RIMS1: variants seen among roughly 807,000 people sequenced by gnomAD.
The protein encoded by RIMS1 is regulating synaptic membrane exocytosis protein 1.
RIMS1 carries 83 observed loss-of-function variants against 214.1 expected under a neutral mutation model. The ratio of observed to expected loss-of-function variants is 0.39; its 90% CI spans 0.32 to 0.47. The LOEUF is 0.47. Among genes scored for constraint, RIMS1 ranks in the 20% least tolerant of loss-of-function variants. RIMS1 has a pLI of 0.99. For missense variants in RIMS1, 2,050 were observed against 2,161.8 expected, an observed-to-expected ratio of 0.95 and a Z score of 1.03; for synonymous variants, 793 against 786.8, an observed-to-expected ratio of 1.01 and a Z score of -0.13.
chr6:72,206,581 A>G (rs866386916), intron 6 of RIMS1, among the ~76,000 whole-genome samples: 1 of 151,774 alleles, frequency 6.6e-6, no homozygotes, highest in African/African-American at 2.4e-5. Context: ...TAATTTTTTC[A>G]GTGAGCGTCT....
At chr6:72,190,517 T>A (rs1376041362) in intron 6 of RIMS1, among the ~76,000 whole-genome samples, 1 of 149,904 alleles carries the variant, frequency 6.7e-6, no homozygotes, top group Non-Finnish European at 1.5e-5. Context: ...CTGTAGGGGC[T>A]ATAGTGCTGG....
intron 2 of RIMS1, among the ~76,000 whole-genome samples, chr6:72,088,066 C>T (rs1483238888): frequency 1.3e-5 from 2 of 152,118 alleles, no homozygotes; most frequent in African/African-American, 2.4e-5. Flanking sequence ...TCATCTTCAA[C>T]ATCATCTCAT....
intron 4 of RIMS1, among the ~76,000 whole-genome samples, chr6:72,107,789 G>A (rs867275417): frequency 8.6e-5 from 13 of 152,010 alleles, no homozygotes; most frequent in South Asian, 8.3e-4. Context: ...AAATAGGTTC[G>A]TTTCAATTCT....
intron 29 of RIMS1, among the ~76,000 whole-genome samples, chr6:72,370,235 G>A (rs781611831): frequency 1.4e-4 from 21 of 152,066 alleles, no homozygotes; most frequent in Non-Finnish European, 2.5e-4. Flanking sequence ...AGAGGCTAGT[G>A]GTTTTATTGT....
chr6:72,332,919 AAG>A (rs1208082770), intron 28 of RIMS1, among the ~76,000 whole-genome samples: 1 of 151,880 alleles, frequency 6.6e-6, no homozygotes, highest in African/African-American at 2.4e-5. Flanking sequence ...AAAAAATAAA[AAG>A]AAATCAGCCT....
rs528215402 is a variant in RIMS1 at position 72,402,147 on chromosome 6, A to T, written c.*1433A>T. ...CTTGGAACTGTTCAGAGCTGCATGC[A>T]CATTTTGTAAAAAAAAAAAATTTTA... On this transcript the variant is annotated 3_prime_UTR_variant, in exon 34 of 34. Coordinates refer to ENST00000521978, the MANE Select transcript of RIMS1 (RefSeq NM_014989.7). The T allele has an allele frequency of 6.7e-6, 1 of 149,100 alleles. No homozygotes were observed. The highest frequency in any genetic ancestry group is 2.3e-4 in the South Asian group (1 of 4,412). The allele number at this position is 149,100 out of a possible 1,614,324, so 9.2% of individuals were successfully genotyped here.
At chr6:71,981,712 T>C (rs189345714) in intron 2 of RIMS1, among the ~76,000 whole-genome samples, 2 of 152,270 alleles carry the variant, frequency 1.3e-5, no homozygotes, top group Admixed American at 6.5e-5. Context: ...GGCAATACTT[T>C]TAAAGAGCAC....
intron 2 of RIMS1, among the ~76,000 whole-genome samples, chr6:72,056,903 TTC>T (rs1363122539): frequency 5.3e-5 from 8 of 152,180 alleles, no homozygotes; most frequent in Admixed American, 3.9e-4. Context: ...TCTAAAATAA[TTC>T]TGTTTCATGA....
At chr6:72,340,760 A>C (rs2097049974) in intron 29 of RIMS1, among the ~76,000 whole-genome samples, 1 of 152,058 alleles carries the variant, frequency 6.6e-6, no homozygotes, top group African/African-American at 2.4e-5. Context: ...TGACTTGGCA[A>C]TGCGGGCTCT....
intron 2 of RIMS1, among the ~76,000 whole-genome samples, chr6:71,994,021 G>T (rs1802658012): frequency 6.6e-6 from 1 of 152,184 alleles, no homozygotes; most frequent in South Asian, 2.1e-4. Flanking sequence ...GTATCTTTGT[G>T]TGACTACAAT....
chr6:72,339,771 A>G (rs1248105776), intron 29 of RIMS1, among the ~76,000 whole-genome samples: 2 of 152,038 alleles, frequency 1.3e-5, no homozygotes, highest in African/African-American at 4.8e-5. Flanking sequence ...TTATAGCAGC[A>G]TGATTTATAG....
At chr6:72,309,649 T>C (rs556384954) in intron 27 of RIMS1, among the ~76,000 whole-genome samples, 7 of 152,086 alleles carry the variant, frequency 4.6e-5, no homozygotes, top group Non-Finnish European at 8.8e-5. Context: ...ATTTGACTAT[T>C]TTAAAACCTA....
chr6:72,213,311 G>T (rs781694053), intron 6 of RIMS1: 1 of 1,195,016 alleles, frequency 8.4e-7, no homozygotes, highest in Non-Finnish European at 1.1e-6. Context: ...CTATTTTCCA[G>T]TCAAAATATT....
chr6:72,318,827 A>G (rs1364727765), intron 28 of RIMS1, among the ~76,000 whole-genome samples: 1 of 152,080 alleles, frequency 6.6e-6, no homozygotes, highest in African/African-American at 2.4e-5. Context: ...GACCTGTTTT[A>G]GTTCTCGTTT....
intron 6 of RIMS1, among the ~76,000 whole-genome samples, chr6:72,197,753 G>A (rs2463712): frequency 0.98 from 149,617 of 152,180 alleles, 73,596 homozygotes; most frequent in East Asian, 1. Context: ...TGAAGTAAAA[G>A]TGATGAATTT....
At chr6:72,005,822 A>G (rs1251517673) in intron 2 of RIMS1, among the ~76,000 whole-genome samples, 2 of 152,244 alleles carry the variant, frequency 1.3e-5, no homozygotes, top group Non-Finnish European at 2.9e-5. Flanking sequence ...GTGGGAGGCA[A>G]AATATGGTTC....
chr6:71,981,635 C>T (rs1798502365), intron 2 of RIMS1, among the ~76,000 whole-genome samples: 1 of 152,056 alleles, frequency 6.6e-6, no homozygotes, highest in Admixed American at 6.6e-5. Flanking sequence ...ATCTAAGTTT[C>T]CTTATTTATA....
rs1428178217 is a variant in RIMS1 at position 72,274,355 on chromosome 6, A to G, written c.3405A>G (p.Arg1135=). Residue 1135 remains arginine (R), a synonymous_variant, in exon 23 of 34, where the codon AGA becomes AGG. Coordinates refer to ENST00000521978, the MANE Select transcript of RIMS1 (RefSeq NM_014989.7). ...SLHSPERERG[R]WSPSLDRRRP... ...TTGTTCACTGGGCAAACAGGGGTAG[A>G]TGGTCCCCCTCCCTAGATAGGAGAC... 6.2e-7 allele frequency: 1 copy of G among 1,610,158 alleles called. No homozygotes were observed. Among genetic ancestry groups the G allele is most frequent in the African/African-American group, 1.3e-5 (1 of 74,828 alleles).
chr6:72,228,087 T>G (rs1236731555), intron 6 of RIMS1, among the ~76,000 whole-genome samples: 1 of 152,002 alleles, frequency 6.6e-6, no homozygotes, highest in Non-Finnish European at 1.5e-5. Flanking sequence ...AGCACCACAT[T>G]CTGTGCCATA....
Sources: gnomAD v4.1 joint callset for allele counts (sites outside exome capture counted in the v4.1 genomes callset) on GRCh38, gnomAD v4.1.1 for gene constraint, MANE v1.5 for transcripts, NCBI Gene and HGNC (gene_info 2026-07-23, HGNC 2026-07-21) for gene names.